The following CPA1 variants were observed in gnomAD, a reference collection of about 807,000 sequenced individuals.
CPA1 encodes carboxypeptidase A1, also known as carboxypeptidase A1 (pancreatic).
CPA1 carries 42 observed loss-of-function variants against 48.7 expected under a neutral mutation model. The observed-to-expected ratio is 0.86, with a 90% CI of 0.67 to 1.11. The LOEUF (loss-of-function observed/expected upper bound fraction) is 1.11, where lower values mean the gene tolerates loss of function less well. CPA1 is among the 50% of genes most tolerant of loss of function. The pLI is 0.00. For missense variants in CPA1, 477 were observed against 544.7 expected, an observed-to-expected ratio of 0.88 and a Z score of 1.24; for synonymous variants, 203 against 217.9, an observed-to-expected ratio of 0.93 and a Z score of 0.60.
Position 130,381,536 on chromosome 7 carries a change from C to T in CPA1, c.148-94C>T, listed in dbSNP as rs984298876. 12 of 882,712 alleles carry T rather than the reference C, an allele frequency of 1.4e-5. No homozygotes were observed. In the Admixed American group the frequency reaches 2.5e-4, roughly 18 times the overall value. The allele number at this position is 882,712 out of a possible 1,614,324, so 54.7% of individuals were successfully genotyped here. A position where few individuals can be genotyped will look rare whatever the true frequency, so the allele number is the denominator to read the frequency against. On this transcript the variant is annotated intron_variant, in intron 2 of 9. Transcript: ENST00000011292. The stretch of plus-strand genomic sequence containing the variant: ...CCCAATTATATGAGAACTTCTGGCA[C>T]CAACAGCCCCTCCCACGCAGGCCCT...
chr7:130,381,565 C>A, intron 2 of CPA1, 65 bp from the exon 3 acceptor site: 1 of 1,265,540 alleles, frequency 7.9e-7, no homozygotes, highest in Non-Finnish European at 1.1e-6. Flanking sequence ...AGGCCCTGTC[C>A]CTGCCTGCTG....
rs1554411232 is a variant in CPA1 at position 130,381,816 on chromosome 7, C to T, written c.334C>T (p.Arg112Cys). The T allele has an allele frequency of 6.2e-7, 1 of 1,614,142 alleles. No homozygotes were observed. Among genetic ancestry groups the T allele is most frequent in the Non-Finnish European group, 8.5e-7 (1 of 1,180,024 alleles). Residue 112 changes from arginine (R) to cysteine (C), a missense_variant, in exon 3 of 10, where the codon CGC becomes TGC. Arg to Cys is a radical substitution (Grantham distance 180, BLOSUM62 -3). Coordinates refer to ENST00000011292, the MANE Select transcript of CPA1 (RefSeq NM_001868.4). ...GATGTTCGCCTTCCGGTCCCGGGCG[C>T]GCTCCACCGACACTTTTAACTACGC... ...EQMFAFRSRA[R>C]STDTFNYATY...
At chr7:130,384,454 C>T in intron 6 of CPA1, 82 bp from the exon 7 acceptor site, 5 of 1,202,754 alleles carry the variant, frequency 4.2e-6, no homozygotes, top group East Asian at 2.4e-5. Flanking sequence ...CTGCTCTCTG[C>T]AGCCTCTGAA....
At chr7:130,386,303 T>A (rs996015734) in intron 9 of CPA1, among the ~76,000 whole-genome samples, 2 of 151,840 alleles carry the variant, frequency 1.3e-5, no homozygotes, top group Admixed American at 1.3e-4. Flanking sequence ...GAGGCTGAGG[T>A]GGGCGGATCA....
In CPA1 at chr7:130,385,306, T is replaced by A; in HGVS notation, c.948T>A (p.Tyr316Ter). The part of the protein sequence containing the change: ...HSYSQLLMYP[Y>*]GYKTEPVPDQ... ...ACTCCCAGCTCCTCATGTATCCCTA[T>A]GGCTACAAAACAGAACCAGTCCCTG... The change falls in exon 8 of 10, where the codon TAT (tyrosine) becomes TAA (stop). Residue 316 changes from tyrosine to a stop codon, truncating the protein, a stop_gained. Coordinates refer to ENST00000011292, the MANE Select transcript of CPA1 (RefSeq NM_001868.4). LOFTEE classifies it high-confidence loss of function. The A allele has an allele frequency of 6.2e-7, 1 of 1,614,190 alleles. No individual in the cohort carries two copies. Among genetic ancestry groups the A allele is most frequent in the Non-Finnish European group, 8.5e-7 (1 of 1,180,024 alleles).
chr7:130,385,122 G>A (rs782150811), intron 7 of CPA1, 24 bp from the exon 8 acceptor site: 35 of 1,612,006 alleles, frequency 2.2e-5, no homozygotes, highest in South Asian at 5.5e-5. Context: ...GAGCCACACC[G>A]CCATGCCCTC....
intron 4 of CPA1, among the ~76,000 whole-genome samples, chr7:130,382,784 C>T (rs1796423766): frequency 1.3e-5 from 2 of 152,148 alleles, no homozygotes; most frequent in South Asian, 4.2e-4. Context: ...GCTGGGATTA[C>T]AGGCGCCTGC....
intron 7 of CPA1, 188 bp downstream of exon 7, chr7:130,384,814 G>A (rs1554411768): frequency 3.2e-6 from 2 of 620,946 alleles, no homozygotes; most frequent in African/African-American, 1.8e-5. Context: ...CCTGCAAAAG[G>A]CAAGTTGCTT....
chr7:130,383,344 C>A, intron 4 of CPA1, 47 bp from the exon 5 acceptor site: 1 of 1,501,566 alleles, frequency 6.7e-7, no homozygotes, highest in Non-Finnish European at 9.2e-7. Context: ...CAAGATGAGG[C>A]CTCAGCTGTG....
rs150653308 is a variant in CPA1, at chr7:130,381,853, C to T, written c.371C>T (p.Thr124Ile). Reference sequence around the variant, plus strand: ...ACTTTTAACTACGCCACCTACCACACCCTGGAGGAGGTGAGGGCGCCCCTA... The same window carrying T: ...ACTTTTAACTACGCCACCTACCACATCCTGGAGGAGGTGAGGGCGCCCCTA... ...TDTFNYATYH[T>I]LEEIYDFLDL... The change falls in exon 3 of 10, where the codon ACC (threonine) becomes ATC (isoleucine). Residue 124 changes from threonine (T) to isoleucine (I), a missense_variant. Transcript: ENST00000011292. 1.2e-3 allele frequency: 1,908 copies of T among 1,613,552 alleles called. 5 individuals are homozygous for T. Among genetic ancestry groups the T allele is most frequent in the Non-Finnish European group, 1.0e-3 (1,174 of 1,179,780 alleles).
At position 130,382,110 on chromosome 7, in the gene CPA1, C is replaced by G. The variant is rs1554411303; in HGVS notation, c.384C>G (p.Ile128Met). ...TGGTCTCTTCTTTCACACCTCAGAT[C>G]TATGACTTCCTGGACCTGCTGGTGG... Reference protein sequence around the residue: ...NYATYHTLEEIYDFLDLLVAE... With the variant: ...NYATYHTLEEMYDFLDLLVAE... The change falls in exon 4 of 10, where the codon ATC (isoleucine) becomes ATG (methionine). Residue 128 changes from isoleucine to methionine, a missense_variant and splice_region_variant. Coordinates refer to ENST00000011292, the MANE Select transcript of CPA1 (RefSeq NM_001868.4). The G allele has an allele frequency of 2.5e-6, 4 of 1,613,774 alleles. No individual in the cohort carries two copies. Among genetic ancestry groups the G allele is most frequent in the Non-Finnish European group, 3.4e-6 (4 of 1,179,692 alleles).
chr7:130,382,801 G>A (rs1374487129), intron 4 of CPA1, among the ~76,000 whole-genome samples: 3 of 151,712 alleles, frequency 2.0e-5, no homozygotes, highest in Non-Finnish European at 2.9e-5. Context: ...CTGCCACCAC[G>A]CCCGGCTAAT....
chr7:130,384,916 C>G, intron 7 of CPA1: 1 of 610,074 alleles, frequency 1.6e-6, no homozygotes, highest in Admixed American at 2.9e-5. Flanking sequence ...GAGAACTGGT[C>G]TCCACTGAGG....
chr7:130,387,901 A>G lies in CPA1; in HGVS notation c.1150A>G (p.Thr384Ala). The G allele has an allele frequency of 6.2e-7, 1 of 1,614,156 alleles. No homozygotes were observed. The highest frequency in any genetic ancestry group is 8.5e-7 in the Non-Finnish European group (1 of 1,180,020). Residue 384 changes from threonine (T) to alanine (A), a missense_variant, in exon 10 of 10, where the codon ACT (threonine) becomes GCT (alanine). Coordinates refer to ENST00000011292, the MANE Select transcript of CPA1 (RefSeq NM_001868.4). This position sits in a 1 kb window ranked among gnomAD's most constrained non-coding sequence, Gnocchi z 4.6. ...KYSFTFELRD[T>A]GRYGFLLPAS... Reference sequence around the variant, plus strand: ...CTCCTTCACCTTCGAGCTCCGGGACACTGGGCGCTATGGCTTCCTGCTGCC... The same window carrying G: ...CTCCTTCACCTTCGAGCTCCGGGACGCTGGGCGCTATGGCTTCCTGCTGCC...
chr7:130,385,754 T>C, intron 8 of CPA1, 85 bp from the exon 9 acceptor site: 1 of 1,095,646 alleles, frequency 9.1e-7, no homozygotes, highest in Non-Finnish European at 1.4e-6. Flanking sequence ...TCTCCTAGGC[T>C]CCCCTGCCAG....
chr7:130,383,672 C>G lies in CPA1; in HGVS notation c.586-12C>G, dbSNP rs1554411557. 1 of 1,605,722 alleles carries G rather than the reference C, an allele frequency of 6.2e-7. No individual in the cohort carries two copies. The highest frequency in any genetic ancestry group is 8.5e-7 in the Non-Finnish European group (1 of 1,172,284). ...CAGCCTGCGCTGCCCCTCTGCTCCT[C>G]TAACCCCCCAGATCACTCAAGACTA... On this transcript the variant is annotated splice_polypyrimidine_tract_variant and intron_variant, in intron 5 of 9. Transcript: ENST00000011292.
chr7:130,385,111 G>A (rs782024110), intron 7 of CPA1, 35 bp from the exon 8 acceptor site: 1 of 1,605,840 alleles, frequency 6.2e-7, no homozygotes, highest in South Asian at 1.1e-5. Context: ...AGAAGCTGGA[G>A]GAGCCACACC....
chr7:130,385,062 C>T (rs1796454807), intron 7 of CPA1, 84 bp from the exon 8 acceptor site: 1 of 1,392,814 alleles, frequency 7.2e-7, no homozygotes, highest in East Asian at 2.3e-5. Flanking sequence ...TACCACCTCA[C>T]CCCCAACTCC....
At chr7:130,384,465 C>T in intron 6 of CPA1, 71 bp from the exon 7 acceptor site, 3 of 1,278,298 alleles carry the variant, frequency 2.3e-6, no homozygotes, top group Non-Finnish European at 3.3e-6. Context: ...AGCCTCTGAA[C>T]CACCCCCCAC....
Sources: allele counts gnomAD v4.1 joint callset (sites outside exome capture counted in the v4.1 genomes callset), GRCh38; gene constraint gnomAD v4.1.1; non-coding constraint Gnocchi (gnomAD v3.1); transcripts MANE v1.5; gene names NCBI Gene and HGNC (gene_info 2026-07-23, HGNC 2026-07-21).